The following DCST2 variants were observed in gnomAD, a reference collection of about 807,000 sequenced individuals.
DCST2 encodes DC-STAMP domain-containing protein 2.
In DCST2, 64 loss-of-function variants were observed where a neutral mutation model predicts 81.8. The ratio of observed to expected loss-of-function variants is 0.78; its 90% CI spans 0.64 to 0.96. The LOEUF is 0.96. DCST2 is among the 40% of genes least tolerant of loss of function. The probability of loss-of-function intolerance (pLI) is 0.00; values close to 1 mark genes in which losing one functional copy is unlikely to be tolerated. For synonymous variants in DCST2, 354 were observed against 402.6 expected, an observed-to-expected ratio of 0.88 and a Z score of 1.44; for missense variants, 945 against 1,001.4, an observed-to-expected ratio of 0.94 and a Z score of 0.76.
At chr1:155,027,305 G>T (rs1323382068) in intron 8 of DCST2, among the ~76,000 whole-genome samples, 2 of 140,834 alleles carry the variant, frequency 1.4e-5, no homozygotes, top group African/African-American at 5.3e-5. Flanking sequence ...GCCTCCCAAA[G>T]TGCTAGGATT....
intron 7 of DCST2, among the ~76,000 whole-genome samples, chr1:155,029,625 C>G (rs1402199101): frequency 6.6e-6 from 1 of 152,138 alleles, no homozygotes; most frequent in African/African-American, 2.4e-5. Flanking sequence ...TCCACCTGGC[C>G]CTGTGGCCCA....
intron 2 of DCST2, 151 bp from the exon 3 acceptor site, chr1:155,032,919 G>C (rs2102347008): frequency 2.0e-6 from 2 of 1,020,076 alleles, no homozygotes; most frequent in East Asian, 2.6e-5. Context: ...TAATCTGGGA[G>C]TGGAGGAGGC....
intron 11 of DCST2, 151 bp from the exon 12 acceptor site, chr1:155,024,110 C>T (rs1452958420): frequency 9.0e-5 from 106 of 1,174,988 alleles, no homozygotes; most frequent in Non-Finnish European, 1.2e-4. Context: ...CTCTCCATGG[C>T]CCTGCCTTCC....
chr1:155,030,884 A>C, intron 5 of DCST2: 1 of 604,878 alleles, frequency 1.7e-6, no homozygotes, highest in East Asian at 2.8e-5. Flanking sequence ...CCCCTAAGGA[A>C]TGATCTTGAT....
intron 14 of DCST2, 131 bp from the exon 15 acceptor site, chr1:155,018,891 GC>G: frequency 1.1e-6 from 1 of 882,338 alleles, no homozygotes; most frequent in Non-Finnish European, 1.7e-6. Flanking sequence ...GCTCTCTCAG[GC>G]CCACGAGGCG....
chr1:155,025,875 T>C (rs1443724385), intron 10 of DCST2, among the ~76,000 whole-genome samples: 1 of 151,574 alleles, frequency 6.6e-6, no homozygotes, highest in African/African-American at 2.4e-5. Flanking sequence ...TTTTTCTTTC[T>C]TTCTTTTTTT....
chr1:155,021,421 G>C (rs1285603443), intron 14 of DCST2, among the ~76,000 whole-genome samples: 2 of 146,922 alleles, frequency 1.4e-5, no homozygotes, highest in African/African-American at 2.5e-5. Flanking sequence ...ACAGGTGTGA[G>C]CCACTGTGCC....
intron 14 of DCST2, among the ~76,000 whole-genome samples, chr1:155,021,825 C>T (rs570759838): frequency 6.6e-6 from 1 of 151,924 alleles, no homozygotes; most frequent in South Asian, 2.1e-4. Flanking sequence ...GACCTCCCTG[C>T]TCCTGCCCAA....
intron 4 of DCST2, 49 bp downstream of exon 4, chr1:155,031,515 TCCCACCCCAC>T (rs1174882949): frequency 1.1e-5 from 7 of 643,370 alleles, no homozygotes; most frequent in African/African-American, 1.9e-5. Context: ...ACCCCCACAT[TCCCACCCCAC>T]CCCACCCCAC....
chr1:155,018,793 C>T, intron 14 of DCST2, 33 bp from the exon 15 acceptor site: 4 of 1,593,684 alleles, frequency 2.5e-6, no homozygotes, highest in Non-Finnish European at 3.4e-6. Context: ...GGCCGGATCA[C>T]CCACCTTCTG....
At chr1:155,029,665 G>A (rs1660011340) in intron 7 of DCST2, among the ~76,000 whole-genome samples, 1 of 151,986 alleles carries the variant, frequency 6.6e-6, no homozygotes, top group South Asian at 2.1e-4. Context: ...CCCTCCTAGG[G>A]CATCCCTCAT....
rs200424533 is a variant in DCST2, at chr1:155,026,658, C to T, written c.1400G>A (p.Arg467His). ...GACATCAAATGCTGACACCAGGTCA[C>T]GATAAATATTCCCAGCGTAGCCAGT... ...EGTGYAGNIY[R>H]DLVSAFDVLQ... Residue 467 changes from arginine to histidine, a missense_variant, in exon 9 of 15, where the codon CGT becomes CAT. Coordinates refer to ENST00000368424, the MANE Select transcript of DCST2 (RefSeq NM_144622.3). 346 of 1,614,198 alleles carry T rather than the reference C, an allele frequency of 2.1e-4. No individual in the cohort carries two copies. Among genetic ancestry groups the T allele is most frequent in the Middle Eastern group, 1.2e-3 (7 of 6,062 alleles).
chr1:155,027,198 A>ATTTT (rs900841532), intron 8 of DCST2, among the ~76,000 whole-genome samples: 4 of 94,180 alleles, frequency 4.2e-5, no homozygotes, highest in Non-Finnish European at 8.1e-5. Flanking sequence ...ACGACCGGCT[A>ATTTT]TTTTTTTTTT....
rs920730946 is a variant in DCST2, at chr1:155,024,566, G to A, written c.1648C>T (p.Arg550Cys). 8 of 1,609,174 alleles carry A rather than the reference G, an allele frequency of 5.0e-6. No homozygotes were observed. Among genetic ancestry groups the A allele is most frequent in the East Asian group, 2.2e-5 (1 of 44,634 alleles). Reference protein sequence around the residue: ...ISYLYNVLLSRRTNLLAALHR... With the variant: ...ISYLYNVLLSCRTNLLAALHR... ...AGGGCAGCCAACAGATTGGTTCGGC[G>A]GCTCAGAAGTACATTGTACAGGTAG... Residue 550 changes from arginine to cysteine, a missense_variant, in exon 11 of 15, where the codon CGC (arginine) becomes TGC (cysteine). Arg to Cys is a radical substitution (Grantham distance 180). Coordinates refer to ENST00000368424, the MANE Select transcript of DCST2 (RefSeq NM_144622.3).
Position 155,033,194 on chromosome 1 carries a change from T to A in DCST2, c.339A>T (p.Leu113=), listed in dbSNP as rs1228930281. ...CCTCGCTGGCCCGGGTGAAGTTGCGTAGAGTGTTGGCACAAGGCCCTTGAA... is the reference window on the plus strand; with the variant it reads ...CCTCGCTGGCCCGGGTGAAGTTGCGAAGAGTGTTGGCACAAGGCCCTTGAA... ...LVLQGPCANT[L]RNFTRASEAV... The change falls in exon 2 of 15, where the codon CTA becomes CTT. Residue 113 remains leucine (L), a synonymous_variant. Transcript: ENST00000368424. 3.7e-6 allele frequency: 6 copies of A among 1,613,734 alleles called. No individual in the cohort carries two copies. Among genetic ancestry groups the A allele is most frequent in the Non-Finnish European group, 5.1e-6 (6 of 1,179,920 alleles).
At chr1:155,024,449 T>G in intron 11 of DCST2, 23 bp downstream of exon 11, 1 of 1,581,140 alleles carries the variant, frequency 6.3e-7, no homozygotes, top group South Asian at 1.2e-5. Context: ...GCCCCACCCC[T>G]ATAGAAAAGA....
intron 10 of DCST2, 57 bp from the exon 11 acceptor site, chr1:155,024,659 A>T: frequency 5.2e-6 from 8 of 1,524,348 alleles, no homozygotes; most frequent in Non-Finnish European, 7.1e-6. Context: ...TCTGCCTGGA[A>T]TGCCCTCTGC....
intron 5 of DCST2, 27 bp downstream of exon 5, chr1:155,031,142 C>A (rs746032032): frequency 6.3e-7 from 1 of 1,582,130 alleles, no homozygotes; most frequent in South Asian, 1.2e-5. Context: ...TAGGGAGCAC[C>A]ATATGTGGCA....
chr1:155,029,558 A>G (rs531817208), intron 7 of DCST2, among the ~76,000 whole-genome samples, 161 bp from the exon 8 acceptor site: 1 of 152,226 alleles, frequency 6.6e-6, no homozygotes, highest in African/African-American at 2.4e-5. Context: ...CAAGGATGGA[A>G]AATACTCTTC....
Sources: allele counts gnomAD v4.1 joint callset (sites outside exome capture counted in the v4.1 genomes callset), GRCh38; gene constraint gnomAD v4.1.1; transcripts MANE v1.5; gene names NCBI Gene and HGNC (gene_info 2026-07-23, HGNC 2026-07-21).